BIRC6: variants seen among roughly 807,000 people sequenced by gnomAD.
BIRC6 encodes baculoviral IAP repeat containing 6.
A neutral mutation model predicts 503.3 loss-of-function variants in BIRC6; 98 were observed. That is an observed-to-expected ratio of 0.19 (90% CI 0.17 to 0.23). BIRC6 has a LOEUF of 0.23. Ranked by LOEUF, BIRC6 falls within the 10% of genes least tolerant of loss-of-function variation. The probability of loss-of-function intolerance (pLI) is 1.00; values close to 1 mark genes in which losing one functional copy is unlikely to be tolerated. For missense variants in BIRC6, 5,360 were observed against 5,806.0 expected, an observed-to-expected ratio of 0.92 and a Z score of 2.50; for synonymous variants, 2,240 against 2,078.7, an observed-to-expected ratio of 1.08 and a Z score of -2.11.
chr2:32,524,781 A>T, intron 57 of BIRC6, 107 bp from the exon 58 acceptor site: 1 of 783,066 alleles, frequency 1.3e-6, no homozygotes, highest in Non-Finnish European at 1.8e-6. Context: ...ATATTGCCTT[A>T]GTATTAAGGA....
At chr2:32,543,096 G>A (rs781775438) in intron 61 of BIRC6, 145 bp from the exon 62 acceptor site, 63 of 965,338 alleles carry the variant, frequency 6.5e-5, no homozygotes, top group Middle Eastern at 3.4e-4. Context: ...CACTGCGCCC[G>A]GCTGGAAGCT....
chr2:32,609,538 T>C lies in BIRC6; in HGVS notation c.14259+1895T>C, dbSNP rs571374828. Among the ~76,000 whole-genome samples, 4 of 152,268 alleles carry C rather than the reference T, an allele frequency of 2.6e-5. No individual in the cohort carries two copies. The South Asian group carries it at 8.3e-4, about 32-fold the overall frequency. On this transcript the variant is annotated intron_variant, in intron 72 of 73. Transcript: ENST00000421745. ...ATATTTACCTGATATAAAATTGATC[T>C]TTAATATAACTATGCAGATGTTCTA...
At chr2:32,553,670 A>G (rs2058592538) in intron 65 of BIRC6, among the ~76,000 whole-genome samples, 1 of 152,054 alleles carries the variant, frequency 6.6e-6, no homozygotes, top group African/African-American at 2.4e-5. Context: ...GATTACAGAC[A>G]GGCATGAGCC....
intron 69 of BIRC6, 44 bp downstream of exon 69, chr2:32,598,012 C>G: frequency 6.8e-7 from 1 of 1,464,654 alleles, no homozygotes; most frequent in Non-Finnish European, 9.3e-7. Context: ...ATCTCCTTGG[C>G]TCATCTAATT....
Position 32,508,275 on chromosome 2 carries a change from CCTTT to C in BIRC6, c.9980+17_9980+20del. On this transcript the variant is annotated intron_variant, in intron 51 of 73. Transcript: ENST00000421745. ...CCAAAACAAGGTATGTTTTGTTTGT[CCTTT>C]TTTTTTTTTTTTTTTTTTTTTTTTG... 10 of 577,764 alleles carry C rather than the reference CCTTT, an allele frequency of 1.7e-5. No homozygotes were observed. In the Admixed American group the frequency reaches 2.9e-4, roughly 17 times the overall value. 35.8% of individuals were successfully genotyped at this position (577,764 alleles called of 1,614,324 possible). A position where few individuals can be genotyped will look rare whatever the true frequency, so the allele number is the denominator to read the frequency against.
chr2:32,575,485 C>A, intron 66 of BIRC6, 119 bp downstream of exon 66: 1 of 918,754 alleles, frequency 1.1e-6, no homozygotes, highest in Non-Finnish European at 1.7e-6. Flanking sequence ...ACACCCTCGG[C>A]TGGGTGCGGT....
intron 24 of BIRC6, among the ~76,000 whole-genome samples, chr2:32,464,055 G>A (rs573460052): frequency 1.2e-4 from 18 of 152,246 alleles, no homozygotes; most frequent in Admixed American, 2.0e-4. Context: ...AGTCCCCTGC[G>A]CCTCTGCCAC....
intron 9 of BIRC6, among the ~76,000 whole-genome samples, chr2:32,413,211 A>C (rs1574035246): frequency 3.2e-5 from 4 of 126,400 alleles, no homozygotes; most frequent in Admixed American, 9.3e-5. Flanking sequence ...ACATAGTCTC[A>C]CTCTTGTTGC....
intron 61 of BIRC6, among the ~76,000 whole-genome samples, chr2:32,537,067 G>A (rs2057295833): frequency 6.6e-6 from 1 of 152,112 alleles, no homozygotes; most frequent in African/African-American, 2.4e-5. Context: ...CTGTTTGTCT[G>A]TTACTGGTGT....
chr2:32,572,444 G>A (rs962525291), intron 65 of BIRC6, among the ~76,000 whole-genome samples: 2 of 152,154 alleles, frequency 1.3e-5, no homozygotes, highest in Non-Finnish European at 2.9e-5. Flanking sequence ...TTGTAGGGTA[G>A]ACAGTAACAA....
At chr2:32,472,540 A>G (rs190352631) in intron 32 of BIRC6, among the ~76,000 whole-genome samples, 4 of 152,302 alleles carry the variant, frequency 2.6e-5, no homozygotes, top group African/African-American at 9.6e-5. Context: ...GGAAAGAGAG[A>G]AAAATGTTTT....
In BIRC6 at chr2:32,467,605, G is replaced by T. The variant is rs1030665086; in HGVS notation, c.5437G>T (p.Ala1813Ser). Residue 1813 changes from alanine (A) to serine (S), a missense_variant, in exon 27 of 74, where the codon GCC becomes TCC. Ala to Ser is a moderately conservative substitution (Grantham distance 99, BLOSUM62 1). Around this residue, in one of 16 missense-constraint regions of BIRC6, gnomAD observed 2,299 missense variants for 2,267.2 expected, o/e 1.01. Transcript: ENST00000421745. The stretch of plus-strand genomic sequence containing the variant: ...ATTGATTCCCACTTGTGGAGACTTG[G>T]CCTCTTTGTCAATTGACATTTGGAC... The part of the protein sequence containing the change: ...DVLIPTCGDL[A>S]SLSIDIWTLG... The T allele has an allele frequency of 6.2e-7, 1 of 1,613,930 alleles. No individual in the cohort carries two copies. Among genetic ancestry groups the T allele is most frequent in the Non-Finnish European group, 8.5e-7 (1 of 1,179,888 alleles).
chr2:32,415,854 A>G lies in BIRC6; in HGVS notation c.2563A>G (p.Thr855Ala), dbSNP rs1461176195. Reference sequence around the variant, plus strand: ...ACAACATATCAAAGATCCCCAGGACACAATTACCTCGCTCATTTTGCTTCC... The same window carrying G: ...ACAACATATCAAAGATCCCCAGGACGCAATTACCTCGCTCATTTTGCTTCC... The part of the protein sequence containing the change: ...KIQHIKDPQD[T>A]ITSLILLPPD... The change falls in exon 10 of 74, where the codon ACA becomes GCA. Residue 855 changes from threonine (T) to alanine (A), a missense_variant. By Grantham distance (58) the Thr-to-Ala change is moderately conservative (BLOSUM62 0). Transcript: ENST00000421745. 3 of 1,613,982 alleles carry G rather than the reference A, an allele frequency of 1.9e-6. No individual in the cohort carries two copies. The South Asian group carries it at 3.3e-5, about 18-fold the overall frequency.
intron 23 of BIRC6, among the ~76,000 whole-genome samples, chr2:32,457,862 C>A (rs1011885842): frequency 5.3e-5 from 8 of 152,010 alleles, no homozygotes; most frequent in Non-Finnish European, 1.2e-4. Flanking sequence ...TATCCAGATT[C>A]CAATATCATT....
intron 37 of BIRC6, among the ~76,000 whole-genome samples, chr2:32,479,825 T>G (rs1335923723): frequency 6.6e-6 from 1 of 152,228 alleles, no homozygotes; most frequent in Non-Finnish European, 1.5e-5. Context: ...ATCCTAATTA[T>G]GTTGATATAG....
At chr2:32,368,610 T>C (rs2035311249) in intron 1 of BIRC6, among the ~76,000 whole-genome samples, 2 of 152,020 alleles carry the variant, frequency 1.3e-5, no homozygotes, top group South Asian at 4.2e-4. Context: ...CCCTAGACTT[T>C]AGAGAAGTTT....
At chr2:32,432,075 T>C (rs1209408681) in intron 12 of BIRC6, among the ~76,000 whole-genome samples, 1 of 152,108 alleles carries the variant, frequency 6.6e-6, no homozygotes, top group Non-Finnish European at 1.5e-5. Context: ...CCATTGTTGT[T>C]GGAGTGCTGT....
Position 32,531,339 on chromosome 2 carries a change from G to A in BIRC6, c.12095-16G>A, listed in dbSNP as rs2056736826. 2 of 1,586,242 alleles carry A rather than the reference G, an allele frequency of 1.3e-6. No homozygotes were observed. Among genetic ancestry groups the A allele is most frequent in the African/African-American group, 2.7e-5 (2 of 73,994 alleles). On this transcript the variant is annotated splice_polypyrimidine_tract_variant and intron_variant, in intron 60 of 73. Transcript: ENST00000421745. ...CCCTTTCTTACCTATTCAGTTATTT[G>A]TAATTTATTGTCTAGATCATGGAGA...
chr2:32,539,411 G>T (rs1009114074), intron 61 of BIRC6, among the ~76,000 whole-genome samples: 5 of 152,190 alleles, frequency 3.3e-5, no homozygotes, highest in Admixed American at 3.3e-4. Context: ...TCCAAAGAAA[G>T]ATAGACAGTA....
Sources: gnomAD v4.1 joint callset for allele counts (sites outside exome capture counted in the v4.1 genomes callset) on GRCh38, gnomAD v4.1.1 for gene constraint, gnomAD v4.1.1 regional missense constraint, MANE v1.5 for transcripts, NCBI Gene and HGNC (gene_info 2026-07-23, HGNC 2026-07-21) for gene names.